SGCZ: variants seen among roughly 807,000 people sequenced by gnomAD.
SGCZ encodes the protein sarcoglycan zeta.
A neutral mutation model predicts 41.3 loss-of-function variants in SGCZ; 40 were observed. That is an observed-to-expected ratio of 0.97 (90% CI 0.75 to 1.26). The LOEUF is 1.26. SGCZ is among the 50% of genes most tolerant of loss of function. SGCZ has a pLI of 0.00. For synonymous variants in SGCZ, 206 were observed against 137.5 expected (o/e 1.50, Z -3.49); for missense variants, 552 against 369.8 (o/e 1.49, Z -4.04).
chr8:14,471,400 C>T (rs1433816813), intron 2 of SGCZ, among the ~76,000 whole-genome samples: 1 of 152,008 alleles, frequency 6.6e-6, no homozygotes, highest in Non-Finnish European at 1.5e-5. Context: ...AATATGTATG[C>T]CACTTTTCTG....
rs1807863304 is a variant in SGCZ at position 14,665,028 on chromosome 8, T to A, written c.40-110102A>T. Among the ~76,000 whole-genome samples the A allele has an allele frequency of 3.9e-5, 6 of 152,310 alleles. No individual in the cohort carries two copies. The South Asian group carries it at 1.2e-3, about 32-fold the overall frequency. ...ATGGCATTAAAACTCTTTTTTAAAA[T>A]TATACTCTAAGTTTTAGGGTACATA... is the stretch of plus-strand genomic sequence containing the variant. On this transcript the variant is annotated intron_variant, in intron 1 of 7. Transcript: ENST00000382080.
chr8:14,718,856 T>C lies in SGCZ; in HGVS notation c.40-163930A>G, dbSNP rs1005957972. ...TTGTTTAAGAATATATATATATATT[T>C]TTATTATTATTATTATACTTTGTTT... On this transcript the variant is annotated intron_variant, in intron 1 of 7. Transcript: ENST00000382080. Among the ~76,000 whole-genome samples, 5 of 137,952 alleles carry C rather than the reference T, an allele frequency of 3.6e-5. 1 individual carries two copies. In the South Asian group the frequency reaches 1.1e-3, roughly 30 times the overall value. 90.5% of individuals were successfully genotyped at this position (137,952 alleles called of 152,430 possible). A position where few individuals can be genotyped will look rare whatever the true frequency, so the allele number is the denominator to read the frequency against.
At chr8:14,852,286 G>A (rs1369501169) in intron 1 of SGCZ, among the ~76,000 whole-genome samples, 2 of 152,108 alleles carry the variant, frequency 1.3e-5, no homozygotes, top group African/African-American at 2.4e-5. Flanking sequence ...CTGAAAGGTA[G>A]AAATAGTTCA....
intron 1 of SGCZ, among the ~76,000 whole-genome samples, chr8:14,720,427 G>A (rs1050190346): frequency 1.3e-5 from 2 of 152,024 alleles, no homozygotes; most frequent in African/African-American, 4.8e-5. Flanking sequence ...AAATAAAACA[G>A]TTGAATGCAA....
In SGCZ at chr8:14,090,446, G is replaced by T. The variant is rs750927882; in HGVS notation, c.936C>A (p.Ser312Arg). ...GTGTGAGGAGAAATCAGTCACTTCA[G>T]CTCCACAGGCAGATGTTGCTACTGG... ...CQSSSNICLW[S>R] Residue 312 changes from serine (S) to arginine (R), a missense_variant, in exon 8 of 8, where the codon AGC (serine) becomes AGA (arginine). By Grantham distance (110) the Ser-to-Arg change is moderately radical. Transcript: ENST00000382080. The T allele has an allele frequency of 1.2e-6, 2 of 1,611,458 alleles. No individual in the cohort carries two copies. The highest frequency in any genetic ancestry group is 1.7e-6 in the Non-Finnish European group (2 of 1,178,654).
At position 14,813,944 on chromosome 8, in the gene SGCZ, C is replaced by A. The variant is rs553728061; in HGVS notation, c.40-259018G>T. 7.8e-4 allele frequency among the ~76,000 whole-genome samples: 118 copies of A among 151,378 alleles called. 2 individuals are homozygous for A. The highest frequency in any genetic ancestry group is 2.7e-3 in the African/African-American group (110 of 40,706). On this transcript the variant is annotated intron_variant, in intron 1 of 7. Coordinates refer to ENST00000382080, the MANE Select transcript of SGCZ (RefSeq NM_139167.4). The stretch of plus-strand genomic sequence containing the variant: ...CTCCAGCCTGGGCAACAGAGTGAGA[C>A]TATGTCTCAAAACTAACTAAGCAAA...
At chr8:15,226,925 A>G (rs1801794342) in intron 1 of SGCZ, among the ~76,000 whole-genome samples, 1 of 152,210 alleles carries the variant, frequency 6.6e-6, no homozygotes, top group Non-Finnish European at 1.5e-5. Flanking sequence ...TCTGAGCTCC[A>G]GCTTGGATGA....
intron 2 of SGCZ, among the ~76,000 whole-genome samples, chr8:14,506,743 C>A (rs896670917): frequency 2.6e-4 from 40 of 152,122 alleles, no homozygotes; most frequent in African/African-American, 9.4e-4. Context: ...TCCATCTCAG[C>A]GTTCTTTTTT....
At chr8:14,102,272 A>G (rs538052080) in intron 7 of SGCZ, 104 bp downstream of exon 7, 191 of 1,176,680 alleles carry the variant, frequency 1.6e-4, no homozygotes, top group Non-Finnish European at 1.7e-4. Flanking sequence ...TTTATTTTCT[A>G]CTGAAAGATA....
intron 4 of SGCZ, among the ~76,000 whole-genome samples, chr8:14,223,383 C>T (rs116074306): frequency 0.047 from 7,153 of 151,976 alleles, 209 homozygotes; most frequent in Middle Eastern, 0.092. Context: ...TTAGAGAGAA[C>T]GGATAACTTT....
chr8:15,119,493 C>T (rs886220696), intron 1 of SGCZ, among the ~76,000 whole-genome samples: 20 of 150,916 alleles, frequency 1.3e-4, no homozygotes, highest in African/African-American at 4.7e-4. Context: ...GGTCATGCCA[C>T]TGCACTCAGC....
At chr8:14,410,355 A>G (rs1220569577) in intron 2 of SGCZ, among the ~76,000 whole-genome samples, 1 of 151,782 alleles carries the variant, frequency 6.6e-6, no homozygotes, top group Non-Finnish European at 1.5e-5. Context: ...TGTAAGTTTG[A>G]AAACTCCAAA....
At chr8:14,475,822 T>C (rs1801341778) in intron 2 of SGCZ, among the ~76,000 whole-genome samples, 2 of 152,060 alleles carry the variant, frequency 1.3e-5, no homozygotes, top group African/African-American at 4.8e-5. Context: ...AATATACACA[T>C]TGTGATAGTT....
At chr8:14,336,271 T>G (rs1043968096) in intron 2 of SGCZ, among the ~76,000 whole-genome samples, 5 of 152,214 alleles carry the variant, frequency 3.3e-5, no homozygotes, top group Admixed American at 6.5e-5. Flanking sequence ...CTTGGCTACA[T>G]AGTATTCCAT....
intron 2 of SGCZ, among the ~76,000 whole-genome samples, chr8:14,515,047 A>G (rs1230054282): frequency 1.3e-5 from 2 of 151,984 alleles, no homozygotes; most frequent in African/African-American, 4.8e-5. Flanking sequence ...CCATAAACAT[A>G]GTATGTGTAA....
rs1244660624 is a variant in SGCZ at position 14,813,540 on chromosome 8, G to A, written c.40-258614C>T. 5.9e-5 allele frequency among the ~76,000 whole-genome samples: 9 copies of A among 152,110 alleles called. No homozygotes were observed. The South Asian group carries it at 6.2e-4, about 10-fold the overall frequency. ...TCAAATAAGACTAACAGGGAAAATCGTAATACACACTTTTGGACTGAGAAA... is the reference window on the plus strand; with the variant it reads ...TCAAATAAGACTAACAGGGAAAATCATAATACACACTTTTGGACTGAGAAA... On this transcript the variant is annotated intron_variant, in intron 1 of 7. Coordinates refer to ENST00000382080, the MANE Select transcript of SGCZ (RefSeq NM_139167.4).
chr8:14,532,152 G>C (rs1803151516), intron 2 of SGCZ, among the ~76,000 whole-genome samples: 1 of 152,072 alleles, frequency 6.6e-6, no homozygotes, highest in African/African-American at 2.4e-5. Context: ...AAGACCTAGA[G>C]ATTGAGGTAT....
chr8:14,626,108 G>A (rs2117383762), intron 1 of SGCZ, among the ~76,000 whole-genome samples: 1 of 152,196 alleles, frequency 6.6e-6, no homozygotes, highest in South Asian at 2.1e-4. Context: ...ATAACACAGA[G>A]TTATATCTTC....
chr8:14,312,691 G>C (rs753119463), intron 3 of SGCZ, among the ~76,000 whole-genome samples: 19 of 151,770 alleles, frequency 1.3e-4, no homozygotes, highest in Non-Finnish European at 1.9e-4. Flanking sequence ...AGGAGGAAGA[G>C]GAGCAGGAAG....
Sources: allele counts gnomAD v4.1 joint callset (sites outside exome capture counted in the v4.1 genomes callset), GRCh38; gene constraint gnomAD v4.1.1; transcripts MANE v1.5; gene names NCBI Gene and HGNC (gene_info 2026-07-23, HGNC 2026-07-21).